CARMIL1: variants seen among roughly 807,000 people sequenced by gnomAD.
The protein encoded by CARMIL1 is capping protein regulator and myosin 1 linker 1, also known as F-actin-uncapping protein LRRC16A.
CARMIL1 carries 90 observed loss-of-function variants against 177.1 expected under a neutral mutation model. The ratio of observed to expected loss-of-function variants is 0.51; its 90% CI spans 0.43 to 0.61. The LOEUF is 0.61. CARMIL1 is among the 20% of genes least tolerant of loss of function. The pLI, the probability that CARMIL1 is intolerant of heterozygous loss-of-function variation, is 0.00. For synonymous variants in CARMIL1, 577 were observed against 606.2 expected (o/e 0.95, Z 0.71); for missense variants, 1,380 against 1,667.0 (o/e 0.83, Z 3.00).
chr6:25,501,658 A>G (rs1339866321), intron 17 of CARMIL1, among the ~76,000 whole-genome samples: 1 of 152,178 alleles, frequency 6.6e-6, no homozygotes, highest in East Asian at 1.9e-4. Context: ...CTTGGACACC[A>G]AATCGCCAAT....
intron 29 of CARMIL1, chr6:25,563,564 T>C (rs1488737376): frequency 1.0e-6 from 1 of 985,314 alleles, no homozygotes; most frequent in Non-Finnish European, 1.2e-6. Flanking sequence ...GCAGTTGTAC[T>C]TGATGTTGAA....
intron 8 of CARMIL1, chr6:25,452,098 A>G: frequency 1.3e-6 from 1 of 761,562 alleles, no homozygotes; most frequent in South Asian, 1.3e-5. Flanking sequence ...TGAATCGGCC[A>G]GGGAAAAAGT....
chr6:25,285,285 C>T (rs568033896), intron 2 of CARMIL1, among the ~76,000 whole-genome samples: 1 of 152,096 alleles, frequency 6.6e-6, no homozygotes, highest in Non-Finnish European at 1.5e-5. Context: ...TTAAAAAGTT[C>T]ATCTCATGTT....
chr6:25,473,185 A>G (rs384340), intron 11 of CARMIL1, among the ~76,000 whole-genome samples: 58,501 of 151,850 alleles, frequency 0.39, 11,540 homozygotes, highest in African/African-American at 0.47. Flanking sequence ...TAAACAGTTC[A>G]CCTGACTGCA....
At chr6:25,339,902 C>T (rs113561433) in intron 2 of CARMIL1, among the ~76,000 whole-genome samples, 14 of 152,296 alleles carry the variant, frequency 9.2e-5, no homozygotes, top group African/African-American at 3.4e-4. Flanking sequence ...GGCACATACT[C>T]AGTACGTGGT....
chr6:25,532,018 A>C (rs1807808943), intron 24 of CARMIL1, among the ~76,000 whole-genome samples: 1 of 150,886 alleles, frequency 6.6e-6, no homozygotes, highest in Non-Finnish European at 1.5e-5. Context: ...TGATCCACCC[A>C]CCTTGGCCTT....
chr6:25,604,487 G>A (rs1012898), intron 33 of CARMIL1, among the ~76,000 whole-genome samples: 61,405 of 151,946 alleles, frequency 0.4, 12,765 homozygotes, highest in Non-Finnish European at 0.46. Context: ...GCCTGCATAG[G>A]TGTTCAACAA....
At chr6:25,420,369 A>G (rs1296792792) in intron 3 of CARMIL1, 2 of 577,114 alleles carry the variant, frequency 3.5e-6, no homozygotes, top group Non-Finnish European at 6.2e-6. Context: ...CCTTCTTCCC[A>G]GAAGCACCTA....
intron 11 of CARMIL1, among the ~76,000 whole-genome samples, chr6:25,477,749 T>G (rs1223202786): frequency 6.6e-6 from 1 of 152,166 alleles, no homozygotes; most frequent in Non-Finnish European, 1.5e-5. Flanking sequence ...TCTCTAAGCA[T>G]TGCAAATTCT....
chr6:25,381,182 G>A (rs1047756556), intron 2 of CARMIL1, among the ~76,000 whole-genome samples: 3 of 152,082 alleles, frequency 2.0e-5, no homozygotes, highest in Non-Finnish European at 2.9e-5. Context: ...TTATAAACAA[G>A]CACCACCAAA....
At chr6:25,292,373 C>T (rs937080069) in intron 2 of CARMIL1, among the ~76,000 whole-genome samples, 7 of 152,176 alleles carry the variant, frequency 4.6e-5, no homozygotes, top group South Asian at 2.1e-4. Context: ...TATCAGAGAA[C>T]GTGCATTGTT....
intron 5 of CARMIL1, among the ~76,000 whole-genome samples, chr6:25,440,567 G>A (rs1014558793): frequency 1.3e-5 from 2 of 152,074 alleles, no homozygotes; most frequent in Non-Finnish European, 2.9e-5. Flanking sequence ...GAGGGGAAAC[G>A]TACAATTTTA....
At chr6:25,550,758 G>A (rs1331080127) in intron 26 of CARMIL1, among the ~76,000 whole-genome samples, 152 bp from the exon 27 acceptor site, 2 of 152,128 alleles carry the variant, frequency 1.3e-5, no homozygotes, top group Non-Finnish European at 2.9e-5. Flanking sequence ...AGTCACCCTG[G>A]GGCAGCTCAG....
intron 33 of CARMIL1, 119 bp downstream of exon 33, chr6:25,600,865 T>G: frequency 1.1e-6 from 1 of 921,114 alleles, no homozygotes; most frequent in South Asian, 2.2e-5. Context: ...TAACTTTCCT[T>G]TATGCTGGGA....
At chr6:25,604,961 T>C (rs927631475) in intron 34 of CARMIL1, 68 bp downstream of exon 34, 2 of 1,303,108 alleles carry the variant, frequency 1.5e-6, no homozygotes, top group Non-Finnish European at 2.1e-6. Context: ...AGTCACATGA[T>C]TGACAGAAGA....
intron 2 of CARMIL1, among the ~76,000 whole-genome samples, chr6:25,292,388 A>G (rs1241276386): frequency 6.6e-6 from 1 of 152,240 alleles, no homozygotes; most frequent in East Asian, 1.9e-4. Context: ...ATTGTTGCCA[A>G]GGATGCTGGC....
At chr6:25,311,625 G>T (rs1043194451) in intron 2 of CARMIL1, among the ~76,000 whole-genome samples, 1 of 150,776 alleles carries the variant, frequency 6.6e-6, no homozygotes, top group Non-Finnish European at 1.5e-5. Context: ...CCAGGTGCTT[G>T]CCCCTCCTCT....
chr6:25,511,509 TAA>T (rs1400459245), intron 20 of CARMIL1, among the ~76,000 whole-genome samples: 2 of 152,242 alleles, frequency 1.3e-5, no homozygotes, highest in African/African-American at 4.8e-5. Flanking sequence ...TTCCAGTTCC[TAA>T]AACTCAGATG....
chr6:25,290,296 C>T (rs1243547541), intron 2 of CARMIL1, among the ~76,000 whole-genome samples: 1 of 151,742 alleles, frequency 6.6e-6, no homozygotes, highest in Non-Finnish European at 1.5e-5. Context: ...GGTTTCACCA[C>T]GTTGTCCAGC....
Sources: gnomAD v4.1 joint callset for allele counts (sites outside exome capture counted in the v4.1 genomes callset) on GRCh38, gnomAD v4.1.1 for gene constraint, MANE v1.5 for transcripts, NCBI Gene and HGNC (gene_info 2026-07-23, HGNC 2026-07-21) for gene names.